Variants in RFX3 observed in about 807,000 individuals in gnomAD.
RFX3 encodes the protein regulatory factor X3.
Under a neutral mutation model 98.6 loss-of-function variants are expected in RFX3, and 14 were observed. The observed-to-expected ratio is 0.14, with a 90% CI of 0.09 to 0.22. The LOEUF is 0.22. Ranked by LOEUF, RFX3 falls within the 10% of genes least tolerant of loss-of-function variation. RFX3 has a pLI of 1.00. For synonymous variants in RFX3, 383 were observed against 328.4 expected (o/e 1.17, Z -1.80); for missense variants, 639 against 926.9 (o/e 0.69, Z 4.03).
chr9:3,453,924 A>G lies in RFX3; in HGVS notation c.-8-58328T>C, dbSNP rs377037966. On this transcript the variant is annotated intron_variant, in intron 1 of 16. Coordinates refer to ENST00000617270, the MANE Select transcript of RFX3 (RefSeq NM_001282116.2). Reference sequence around the variant, plus strand: ...CTTTTTGCTTTAGTTCACTGTAAAAAAAGATATGTCCACATTTAACTTGGG... The same window carrying G: ...CTTTTTGCTTTAGTTCACTGTAAAAGAAGATATGTCCACATTTAACTTGGG... Among the ~76,000 whole-genome samples, 47 of 152,250 alleles carry G rather than the reference A, an allele frequency of 3.1e-4. No homozygotes were observed. In the East Asian group the frequency reaches 6.2e-3, roughly 20 times the overall value.
At chr9:3,316,910 G>A (rs1830676613) in intron 4 of RFX3, among the ~76,000 whole-genome samples, 1 of 152,118 alleles carries the variant, frequency 6.6e-6, no homozygotes, top group Non-Finnish European at 1.5e-5. Context: ...CCATGGATAG[G>A]AAGAATCAAT....
In RFX3 at chr9:3,224,754, C is replaced by A. The variant is rs1817581922; in HGVS notation, c.*288G>T. On this transcript the variant is annotated 3_prime_UTR_variant, in exon 17 of 17. Coordinates refer to ENST00000617270, the MANE Select transcript of RFX3 (RefSeq NM_001282116.2). ...TTTAAGCTACAAAAAATGTAAATTA[C>A]TTTTTAATTATAAGAAAACAAAACA... is the stretch of plus-strand genomic sequence containing the variant. 8.0e-6 allele frequency: 2 copies of A among 248,482 alleles called. No individual in the cohort carries two copies. The highest frequency in any genetic ancestry group is 1.5e-5 in the Non-Finnish European group (2 of 130,246). 15.4% of individuals were successfully genotyped at this position (248,482 alleles called of 1,614,324 possible).
intron 1 of RFX3, chr9:3,400,246 A>T (rs915736164): frequency 3.0e-5 from 29 of 979,144 alleles, no homozygotes; most frequent in East Asian, 1.1e-4. Flanking sequence ...AGAATGAGAC[A>T]GGAAGAAAAG....
intron 2 of RFX3, among the ~76,000 whole-genome samples, chr9:3,360,327 G>C (rs993228336): frequency 2.0e-5 from 3 of 151,888 alleles, no homozygotes; most frequent in African/African-American, 7.3e-5. Flanking sequence ...AACAAAGGTG[G>C]AATTAGCAGG....
chr9:3,289,712 T>C (rs914490585), intron 6 of RFX3, among the ~76,000 whole-genome samples: 3 of 152,032 alleles, frequency 2.0e-5, no homozygotes, highest in African/African-American at 7.2e-5. Flanking sequence ...TTGGGAATGG[T>C]TGGGGGAGAG....
Position 3,311,139 on chromosome 9 carries a change from C to T in RFX3, c.475-9519G>A, listed in dbSNP as rs72699048. On this transcript the variant is annotated intron_variant, in intron 4 of 16. Coordinates refer to ENST00000617270, the MANE Select transcript of RFX3 (RefSeq NM_001282116.2). ...GTACTTTCTCAGAGACATAGCATTT[C>T]TGTTTTCCTGTGAAAACTGTAAATT... 1.9e-3 allele frequency among the ~76,000 whole-genome samples: 296 copies of T among 152,316 alleles called. 3 individuals carry two copies. The South Asian group carries it at 0.022, about 12-fold the overall frequency.
chr9:3,366,702 CT>C (rs1394914976), intron 2 of RFX3, among the ~76,000 whole-genome samples: 6 of 76,304 alleles, frequency 7.9e-5, no homozygotes, highest in Non-Finnish European at 7.9e-5. Flanking sequence ...TCCTTTCTTT[CT>C]TTCTTTCTTT....
chr9:3,375,834 C>A (rs139200785), intron 2 of RFX3, among the ~76,000 whole-genome samples: 6,050 of 152,142 alleles, frequency 0.04, 422 homozygotes, highest in African/African-American at 0.14. Context: ...GTGGCACACG[C>A]CTGTAGTCCC....
intron 1 of RFX3, among the ~76,000 whole-genome samples, chr9:3,445,260 G>T (rs1845947324): frequency 6.6e-6 from 1 of 152,040 alleles, no homozygotes. Context: ...TTTATTGAGA[G>T]AAGGGAGCAT....
At chr9:3,422,411 C>A (rs569567685) in intron 1 of RFX3, among the ~76,000 whole-genome samples, 46 of 152,316 alleles carry the variant, frequency 3.0e-4, no homozygotes, top group African/African-American at 1.1e-3. Flanking sequence ...TAAAGTCAAA[C>A]ACAGAAACAC....
chr9:3,294,851 A>G (rs2991298), intron 5 of RFX3, among the ~76,000 whole-genome samples: 36,743 of 152,066 alleles, frequency 0.24, 6,489 homozygotes, highest in African/African-American at 0.5. Flanking sequence ...CCTTCACAGG[A>G]CACATATACG....
At chr9:3,443,075 G>GA (rs1365492584) in intron 1 of RFX3, among the ~76,000 whole-genome samples, 1 of 152,098 alleles carries the variant, frequency 6.6e-6, no homozygotes, top group Non-Finnish European at 1.5e-5. Context: ...AGTCACTCAA[G>GA]AAGATATAAA....
intron 4 of RFX3, among the ~76,000 whole-genome samples, chr9:3,316,971 C>T (rs1017287932): frequency 6.6e-6 from 1 of 152,140 alleles, no homozygotes; most frequent in Non-Finnish European, 1.5e-5. Flanking sequence ...TCAATGCCAT[C>T]CCCATCAAAC....
chr9:3,323,804 T>C (rs1831576526), intron 4 of RFX3, among the ~76,000 whole-genome samples: 1 of 152,332 alleles, frequency 6.6e-6, no homozygotes, highest in East Asian at 1.9e-4. Context: ...ATTCTCTTTG[T>C]CTTAACCTGC....
intron 1 of RFX3, among the ~76,000 whole-genome samples, chr9:3,449,950 A>G (rs1026411732): frequency 6.6e-6 from 1 of 151,886 alleles, no homozygotes; most frequent in Admixed American, 6.6e-5. Context: ...TGATCATCGT[A>G]GCCCAGGATA....
intron 1 of RFX3, among the ~76,000 whole-genome samples, chr9:3,508,567 T>C (rs1316727185): frequency 1.3e-5 from 2 of 151,872 alleles, no homozygotes; most frequent in East Asian, 3.9e-4. Context: ...AGGCAAAAAA[T>C]GCAAGAGCTA....
At chr9:3,367,778 G>C (rs1837376951) in intron 2 of RFX3, among the ~76,000 whole-genome samples, 1 of 152,150 alleles carries the variant, frequency 6.6e-6, no homozygotes, top group Non-Finnish European at 1.5e-5. Flanking sequence ...TAAGGCTTTG[G>C]TGAAATACAA....
At chr9:3,517,895 A>G (rs895793285) in intron 1 of RFX3, among the ~76,000 whole-genome samples, 2 of 152,210 alleles carry the variant, frequency 1.3e-5, no homozygotes, top group Non-Finnish European at 2.9e-5. Flanking sequence ...ACCACATAAC[A>G]TTTCTGTCAA....
chr9:3,235,799 T>TAAGA (rs1819070161), intron 15 of RFX3, among the ~76,000 whole-genome samples: 1 of 152,234 alleles, frequency 6.6e-6, no homozygotes, highest in East Asian at 1.9e-4. Context: ...TAGTTACTCT[T>TAAGA]GTAACTACAT....
Sources: allele counts gnomAD v4.1 joint callset (sites outside exome capture counted in the v4.1 genomes callset), GRCh38; gene constraint gnomAD v4.1.1; transcripts MANE v1.5; gene names NCBI Gene and HGNC (gene_info 2026-07-23, HGNC 2026-07-21).